The following MAPK8IP2 variants were observed in gnomAD, a reference collection of about 807,000 sequenced individuals.
The protein encoded by MAPK8IP2 is C-Jun-amino-terminal kinase-interacting protein 2.
Under a neutral mutation model 75.6 loss-of-function variants are expected in MAPK8IP2, and 15 were observed. That is an observed-to-expected ratio of 0.20 (90% CI 0.13 to 0.31). The LOEUF is 0.31. Among genes scored for constraint, MAPK8IP2 ranks in the 10% least tolerant of loss-of-function variants. The pLI, the probability that MAPK8IP2 is intolerant of heterozygous loss-of-function variation, is 1.00. For synonymous variants in MAPK8IP2, 632 were observed against 554.5 expected (o/e 1.14, Z -1.96); for missense variants, 1,089 against 1,211.2 (o/e 0.90, Z 1.50).
In MAPK8IP2 at chr22:50,608,182, C is replaced by G. The variant is rs569093763; in HGVS notation, c.2303+1191C>G. On this transcript the variant is annotated intron_variant, in intron 10 of 11. Coordinates refer to ENST00000329492, the MANE Select transcript of MAPK8IP2 (RefSeq NM_012324.6). ...GTGCTGCCTGCTGGAAGGTGCGGAGCCCTTTTGTGTTGTCCCCGCCGAGTG... is the reference window on the plus strand; with the variant it reads ...GTGCTGCCTGCTGGAAGGTGCGGAGGCCTTTTGTGTTGTCCCCGCCGAGTG... Among the ~76,000 whole-genome samples, 14 of 151,062 alleles carry G rather than the reference C, an allele frequency of 9.3e-5. No individual in the cohort carries two copies. In the South Asian group the frequency reaches 2.9e-3, roughly 31 times the overall value.
In MAPK8IP2 at chr22:50,607,838, G is replaced by A. The variant is rs900220092; in HGVS notation, c.2303+847G>A. On this transcript the variant is annotated intron_variant, in intron 10 of 11. Coordinates refer to ENST00000329492, the MANE Select transcript of MAPK8IP2 (RefSeq NM_012324.6). The surrounding 1 kb of genome is among the most constrained non-coding windows in gnomAD (Gnocchi z 5.6). ...GCAGGTAGATCACTGAGACGAGAGG[G>A]GAATGGCCAGGCAGGGTGAGGGGAG... 1.2e-4 allele frequency among the ~76,000 whole-genome samples: 19 copies of A among 152,096 alleles called. No homozygotes were observed. Among genetic ancestry groups the A allele is most frequent in the Non-Finnish European group, 2.9e-5 (2 of 68,014 alleles).
chr22:50,610,650 C>A lies in MAPK8IP2; in HGVS notation c.2403-57C>A. The A allele has an allele frequency of 6.4e-6, 9 of 1,406,344 alleles. No homozygotes were observed. The highest frequency in any genetic ancestry group is 8.9e-6 in the Non-Finnish European group (9 of 1,009,778). The allele number at this position is 1,406,344 out of a possible 1,614,324, so 87.1% of individuals were successfully genotyped here. On this transcript the variant is annotated intron_variant, in intron 11 of 11. Coordinates refer to ENST00000329492, the MANE Select transcript of MAPK8IP2 (RefSeq NM_012324.6). This position sits in a 1 kb window ranked among gnomAD's most constrained non-coding sequence, Gnocchi z 4.3. ...GAGAGCTCAGAGGCTCTGTGGAAGG[C>A]AGTTTGGGGGTTGAGGACCGGCCCT...
In MAPK8IP2 at chr22:50,604,808, G is replaced by T. The variant is rs1364652266; in HGVS notation, c.1509G>T (p.Ser503=). ...GTGPSAPRDA[S]LVYDAVKYTL... ...GCCCCTCGGCGCCGCGGGACGCGTC[G>T]CTGGTGTACGACGCGGTCAAGTACA... Residue 503 remains serine, a synonymous_variant, in exon 5 of 12, where the codon TCG becomes TCT. Coordinates refer to ENST00000329492, the MANE Select transcript of MAPK8IP2 (RefSeq NM_012324.6). The T allele has an allele frequency of 2.6e-6, 4 of 1,554,594 alleles. No individual in the cohort carries two copies.
At position 50,600,854 on chromosome 22, in the gene MAPK8IP2, CT is replaced by C; in HGVS notation, c.38del (p.Phe13SerfsTer15). ...DRAEMFSLST[F>X]HSLSPPGCRP... ...GCGCGGAGATGTTTTCTCTCTCCACCTTCCACTCGCTGTCGCCGCCGGGCTG... is the reference window on the plus strand; with the variant it reads ...GCGCGGAGATGTTTTCTCTCTCCACCTCCACTCGCTGTCGCCGCCGGGCTG... On this transcript the variant is annotated frameshift_variant, in exon 1 of 12. Transcript: ENST00000329492. LOFTEE classifies it high-confidence loss of function. 7.7e-7 allele frequency: 1 copy of C among 1,304,422 alleles called. No individual in the cohort carries two copies. 80.8% of individuals were successfully genotyped at this position (1,304,422 alleles called of 1,614,324 possible).
intron 6 of MAPK8IP2, 33 bp from the exon 7 acceptor site, chr22:50,605,529 C>A: frequency 2.3e-6 from 2 of 851,116 alleles, no homozygotes; most frequent in Non-Finnish European, 3.7e-6. Flanking sequence ...TCAATCCCGC[C>A]CCCCTCCCCA....
Position 50,604,229 on chromosome 22 carries a change from G to A in MAPK8IP2, c.930G>A (p.Pro310=). ...CGCCCGCCTCGGAGCCGGAGCCCCC[G>A]CGCGAACCCCCGCGCCGCCCCGCCT... is the stretch of plus-strand genomic sequence containing the variant. The part of the protein sequence containing the change: ...ASSPASEPEP[P]REPPRRPAFL... Residue 310 remains proline, a synonymous_variant, in exon 5 of 12, where the codon CCG becomes CCA. Transcript: ENST00000329492. The A allele has an allele frequency of 1.9e-6, 3 of 1,559,350 alleles. No homozygotes were observed. Among genetic ancestry groups the A allele is most frequent in the Non-Finnish European group, 1.7e-6 (2 of 1,160,828 alleles).
chr22:50,601,509 C>T (rs542308644), intron 1 of MAPK8IP2: 8 of 392,244 alleles, frequency 2.0e-5, no homozygotes, highest in Non-Finnish European at 3.3e-5. Flanking sequence ...CCTGGAGCTG[C>T]GAGTGGAGGG....
At position 50,610,977 on chromosome 22, in the gene MAPK8IP2, C is replaced by T. The variant is rs1455726194; in HGVS notation, c.*198C>T. On this transcript the variant is annotated 3_prime_UTR_variant, in exon 12 of 12. Transcript: ENST00000329492. This position sits in a 1 kb window ranked among gnomAD's most constrained non-coding sequence, Gnocchi z 4.3. The stretch of plus-strand genomic sequence containing the variant: ...TTGGGGCTGCGGGGGAGTGGAGCCC[C>T]CGTGCCCCTGCTTTTCCTCAGATCC... The T allele has an allele frequency of 2.0e-5, 11 of 551,438 alleles. No individual in the cohort carries two copies. Among genetic ancestry groups the T allele is most frequent in the Non-Finnish European group, 3.2e-5 (10 of 308,418 alleles). The allele number at this position is 551,438 out of a possible 1,614,324, so 34.2% of individuals were successfully genotyped here. A position where few individuals can be genotyped will look rare whatever the true frequency, so the allele number is the denominator to read the frequency against.
rs981947085 is a variant in MAPK8IP2 at position 50,603,396 on chromosome 22, C to T, written c.345C>T (p.Gly115=). The change falls in exon 3 of 12, where the codon GGC becomes GGT. Residue 115 remains glycine (G), a synonymous_variant. Coordinates refer to ENST00000329492, the MANE Select transcript of MAPK8IP2 (RefSeq NM_012324.6). ...AAGGCCAGGAGGGAGGAGACCCTGG[C>T]TCAGAGGCACCTGCCCCCGGGCCCC... ...DGEGQEGGDP[G]SEAPAPGPLI... 1.3e-6 allele frequency: 2 copies of T among 1,556,346 alleles called. No homozygotes were observed.
chr22:50,609,869 A>C, intron 10 of MAPK8IP2: 1 of 528,880 alleles, frequency 1.9e-6, no homozygotes, highest in Non-Finnish European at 3.7e-6. Flanking sequence ...GGCAGGAGAT[A>C]TGGTCTCCAG....
In MAPK8IP2 at chr22:50,610,082, G is replaced by A. The variant is rs906078854; in HGVS notation, c.2304-130G>A. 1.9e-5 allele frequency: 14 copies of A among 739,508 alleles called. No individual in the cohort carries two copies. The highest frequency in any genetic ancestry group is 1.6e-4 in the African/African-American group (9 of 57,838). The allele number at this position is 739,508 out of a possible 1,614,324, so 45.8% of individuals were successfully genotyped here. ...ACAACTTCAGATCTTGAAATTGTGCGACCCCCACACTCCTGTCCCTTACCC... is the reference window on the plus strand; with the variant it reads ...ACAACTTCAGATCTTGAAATTGTGCAACCCCCACACTCCTGTCCCTTACCC... On this transcript the variant is annotated intron_variant, in intron 10 of 11. Transcript: ENST00000329492. The surrounding 1 kb of genome is among the most constrained non-coding windows in gnomAD (Gnocchi z 4.3).
At chr22:50,609,584 G>C (rs1361300264) in intron 10 of MAPK8IP2, 1 of 365,228 alleles carries the variant, frequency 2.7e-6, no homozygotes, top group East Asian at 7.4e-5. Context: ...GGAATGGACG[G>C]GTCGGCCAGT....
At position 50,604,936 on chromosome 22, in the gene MAPK8IP2, A is replaced by G; in HGVS notation, c.1637A>G (p.Glu546Gly). ...GAGGACAGCGGCGGGGAGGCCAGCG[A>G]GGAGGAGGCGGGCGCGGCGCTGCTA... ...SEEDSGGEAS[E>G]EEAGAALLGG... is the part of the protein sequence containing the mutation. Residue 546 changes from glutamate (E) to glycine (G), a missense_variant, in exon 5 of 12, where the codon GAG becomes GGG. Transcript: ENST00000329492. The G allele has an allele frequency of 6.2e-7, 1 of 1,609,330 alleles. No homozygotes were observed. Among genetic ancestry groups the G allele is most frequent in the Middle Eastern group, 1.7e-4 (1 of 6,010 alleles).
At chr22:50,601,551 G>C (rs1294549930) in intron 1 of MAPK8IP2, 1 of 493,508 alleles carries the variant, frequency 2.0e-6, no homozygotes, top group African/African-American at 1.9e-5. Flanking sequence ...AGGGAGGCGG[G>C]GTGGGAGGGG....
In MAPK8IP2 at chr22:50,606,961, CCTT is replaced by C; in HGVS notation, c.2276_2278del (p.Phe759del). 6.2e-7 allele frequency: 1 copy of C among 1,613,870 alleles called. No individual in the cohort carries two copies. Among genetic ancestry groups the C allele is most frequent in the Non-Finnish European group, 8.5e-7 (1 of 1,179,838 alleles). On this transcript the variant is annotated inframe_deletion, in exon 10 of 12. Coordinates refer to ENST00000329492, the MANE Select transcript of MAPK8IP2 (RefSeq NM_012324.6). ...CATTTCTTCCAGATGAAGAACATCT[CCTT>C]CTGCGGCTGCCATCCCCGCAACAGC... is the stretch of plus-strand genomic sequence containing the variant.
In MAPK8IP2 at chr22:50,612,220, TA is replaced by T. The variant is rs1316833460; in HGVS notation, c.*1447del. The T allele has an allele frequency of 6.6e-6, 1 of 152,120 alleles. No homozygotes were observed. The highest frequency in any genetic ancestry group is 1.9e-4 in the East Asian group (1 of 5,170). The allele number at this position is 152,120 out of a possible 1,614,324, so 9.4% of individuals were successfully genotyped here. The stretch of plus-strand genomic sequence containing the variant: ...CTACTTAGATCTTAAAATGGATATT[TA>T]AAAAATTCTCCAGAGAAAGCCAGAA... On this transcript the variant is annotated 3_prime_UTR_variant, in exon 12 of 12. Transcript: ENST00000329492.
Position 50,605,743 on chromosome 22 carries a change from C to G in MAPK8IP2, c.2014+9C>G. ...TGCCAAGGACCTGCTGGGTGAGGTC[C>G]CAACCCCGAGGGGAGGCTTTTCACC... On this transcript the variant is annotated intron_variant, in intron 7 of 11. Coordinates refer to ENST00000329492, the MANE Select transcript of MAPK8IP2 (RefSeq NM_012324.6). 5.0e-6 allele frequency: 8 copies of G among 1,606,034 alleles called. No individual in the cohort carries two copies. Among genetic ancestry groups the G allele is most frequent in the Non-Finnish European group, 6.8e-6 (8 of 1,176,546 alleles).
Position 50,601,827 on chromosome 22 carries a change from A to G in MAPK8IP2, c.104A>G (p.Glu35Gly). Reference sequence around the variant, plus strand: ...ATAAGCCTGGAAGAATTTGACGACGAAGATCTGTCTGAGATCACTGATGAC... The same window carrying G: ...ATAAGCCTGGAAGAATTTGACGACGGAGATCTGTCTGAGATCACTGATGAC... ...QDISLEEFDD[E>G]DLSEITDDCG... Residue 35 changes from glutamate to glycine, a missense_variant, in exon 2 of 12, where the codon GAA becomes GGA. Glu to Gly is a moderately conservative substitution (Grantham distance 98). Coordinates refer to ENST00000329492, the MANE Select transcript of MAPK8IP2 (RefSeq NM_012324.6). The G allele has an allele frequency of 1.2e-6, 2 of 1,613,918 alleles. No individual in the cohort carries two copies. Among genetic ancestry groups the G allele is most frequent in the Non-Finnish European group, 1.7e-6 (2 of 1,179,850 alleles).
rs561923174 is a variant in MAPK8IP2, at chr22:50,603,276, G to A, written c.225G>A (p.Gln75=). Residue 75 remains glutamine (Q), a synonymous_variant, in exon 3 of 12, where the codon CAG becomes CAA. Coordinates refer to ENST00000329492, the MANE Select transcript of MAPK8IP2 (RefSeq NM_012324.6). ...SEQPHPICSF[Q]DDFQEFEMID... ...AGCCGCACCCCATCTGCTCCTTCCA[G>A]GATGACTTCCAGGAGTTTGAGATGA... The A allele has an allele frequency of 1.3e-6, 2 of 1,593,568 alleles. No individual in the cohort carries two copies. The highest frequency in any genetic ancestry group is 1.7e-5 in the Admixed American group (1 of 57,390).
Sources: allele counts gnomAD v4.1 joint callset (sites outside exome capture counted in the v4.1 genomes callset), GRCh38; gene constraint gnomAD v4.1.1; non-coding constraint Gnocchi (gnomAD v3.1); transcripts MANE v1.5; gene names NCBI Gene and HGNC (gene_info 2026-07-23, HGNC 2026-07-21).